The following FARP1 variants were observed in gnomAD, a reference collection of about 807,000 sequenced individuals.
The protein encoded by FARP1 is FERM, ARHGEF and pleckstrin domain-containing protein 1.
FARP1 carries 52 observed loss-of-function variants against 128.8 expected under a neutral mutation model. The ratio of observed to expected loss-of-function variants is 0.40; its 90% CI spans 0.32 to 0.51. FARP1 has a LOEUF of 0.51. FARP1 is among the 20% of genes least tolerant of loss of function. FARP1 has a pLI of 0.45. For missense variants in FARP1, 1,333 were observed against 1,367.9 expected, an observed-to-expected ratio of 0.97 and a Z score of 0.40; for synonymous variants, 580 against 551.8, an observed-to-expected ratio of 1.05 and a Z score of -0.72.
intron 16 of FARP1, among the ~76,000 whole-genome samples, chr13:98,417,460 A>G (rs1309324868): frequency 0.011 from 1,180 of 102,838 alleles, 27 homozygotes; most frequent in African/African-American, 0.039. Flanking sequence ...GGTTTGAAAA[A>G]AAAAAAAAAA....
At chr13:98,393,750 G>A (rs375929911) in intron 12 of FARP1, 32 bp downstream of exon 12, 168 of 1,550,026 alleles carry the variant, frequency 1.1e-4, no homozygotes, top group Non-Finnish European at 1.5e-4. Context: ...TGATAACTCT[G>A]CTTTTCCCCA....
At chr13:98,441,426 T>C (rs1435877194) in intron 24 of FARP1, among the ~76,000 whole-genome samples, 1 of 152,214 alleles carries the variant, frequency 6.6e-6, no homozygotes, top group African/African-American at 2.4e-5. Flanking sequence ...ACCGTCTGTT[T>C]TTATGCTTCG....
At chr13:98,264,450 C>T (rs548728707) in intron 2 of FARP1, among the ~76,000 whole-genome samples, 2 of 152,298 alleles carry the variant, frequency 1.3e-5, no homozygotes, top group South Asian at 2.1e-4. Context: ...GCTCCCCGTC[C>T]GCCAGTCACT....
intron 2 of FARP1, among the ~76,000 whole-genome samples, chr13:98,292,676 A>G (rs149347942): frequency 6.6e-6 from 1 of 152,310 alleles, no homozygotes; most frequent in Non-Finnish European, 1.5e-5. Context: ...ACTGATGGAG[A>G]ACATAGTATA....
chr13:98,327,003 A>G (rs1233072931), intron 2 of FARP1, among the ~76,000 whole-genome samples: 2 of 152,238 alleles, frequency 1.3e-5, no homozygotes, highest in Non-Finnish European at 2.9e-5. Context: ...TAATGAGTAC[A>G]CGCAATTGGT....
chr13:98,312,161 G>A (rs151078769), intron 2 of FARP1, among the ~76,000 whole-genome samples: 4 of 18,350 alleles, frequency 2.2e-4, no homozygotes, highest in Admixed American at 1.1e-3. Flanking sequence ...TTTTCTTTGA[G>A]ACGGAGTCTC....
chr13:98,410,896 G>T (rs962558143), intron 15 of FARP1, 73 bp downstream of exon 15: 3 of 720,936 alleles, frequency 4.2e-6, no homozygotes, highest in African/African-American at 1.8e-5. Context: ...ATACGGGGAG[G>T]CTGGAGCTAA....
At chr13:98,318,249 T>C (rs141946472) in intron 2 of FARP1, among the ~76,000 whole-genome samples, 2 of 151,770 alleles carry the variant, frequency 1.3e-5, no homozygotes, top group East Asian at 3.9e-4. Flanking sequence ...TGTGGAGATA[T>C]GGTCTCCCTG....
intron 2 of FARP1, among the ~76,000 whole-genome samples, chr13:98,214,698 A>G (rs1200594127): frequency 6.6e-6 from 1 of 152,244 alleles, no homozygotes; most frequent in Non-Finnish European, 1.5e-5. Flanking sequence ...TTTATTGCGC[A>G]CTGCAAACAA....
At chr13:98,434,347 C>CA (rs946131398) in intron 18 of FARP1, 1 of 152,176 alleles carries the variant, frequency 6.6e-6, no homozygotes, top group African/African-American at 2.4e-5. Flanking sequence ...GAAAATCGAG[C>CA]AAGGCCTGGG....
intron 16 of FARP1, among the ~76,000 whole-genome samples, chr13:98,413,344 G>C (rs572567966): frequency 6.6e-5 from 10 of 152,294 alleles, no homozygotes; most frequent in Non-Finnish European, 1.3e-4. Context: ...ATGAATATAA[G>C]AGAAATGTCA....
At chr13:98,193,049 A>T (rs1594252985) in intron 1 of FARP1, among the ~76,000 whole-genome samples, 1 of 148,586 alleles carries the variant, frequency 6.7e-6, no homozygotes, top group African/African-American at 2.5e-5. Context: ...TTACCAGACA[A>T]CCAGACTGTT....
At position 98,143,470 on chromosome 13, in the gene FARP1, C is replaced by G. The variant is rs1025169261; in HGVS notation, c.-46C>G. The G allele has an allele frequency of 6.6e-6, 1 of 150,480 alleles. No individual in the cohort carries two copies. The highest frequency in any genetic ancestry group is 1.5e-5 in the Non-Finnish European group (1 of 67,296). 9.3% of individuals were successfully genotyped at this position (150,480 alleles called of 1,614,324 possible). On this transcript the variant is annotated 5_prime_UTR_variant, in exon 1 of 27. Coordinates refer to ENST00000319562, the MANE Select transcript of FARP1 (RefSeq NM_005766.4). ...GAGCCCGAGCCGGGAGAGGGAGCCG[C>G]CGCAGCCGCCGGCGCTGTGGAGGTA...
chr13:98,167,405 CTTTTTTT>C (rs11388623), intron 1 of FARP1, among the ~76,000 whole-genome samples: 5 of 129,758 alleles, frequency 3.9e-5, no homozygotes, highest in East Asian at 4.5e-4. Context: ...AACAGTTTTA[CTTTTTTT>C]TTTTTTTTTT....
intron 2 of FARP1, chr13:98,333,103 A>T (rs1238780624): frequency 6.6e-6 from 1 of 152,136 alleles, no homozygotes; most frequent in Non-Finnish European, 1.5e-5. Context: ...GAGGAAAAAG[A>T]CACATCTTTT....
intron 1 of FARP1, among the ~76,000 whole-genome samples, chr13:98,192,612 AACTCCTGACTTCAGGT>A (rs1194879719): frequency 6.6e-6 from 1 of 152,130 alleles, no homozygotes; most frequent in Non-Finnish European, 1.5e-5. Context: ...GCTGGTCTCC[AACTCCTGACTTCAGGT>A]GGTCCACCTG....
intron 2 of FARP1, among the ~76,000 whole-genome samples, chr13:98,289,848 A>G (rs998570054): frequency 6.6e-6 from 1 of 152,184 alleles, no homozygotes; most frequent in Non-Finnish European, 1.5e-5. Context: ...ACCCAATGAG[A>G]TGGAATTAAA....
At chr13:98,384,970 G>A (rs565152404) in intron 7 of FARP1, 126 bp downstream of exon 7, 1 of 637,362 alleles carries the variant, frequency 1.6e-6, no homozygotes, top group East Asian at 2.7e-5. Context: ...CGTGAGGAAA[G>A]AAGATCACAG....
At chr13:98,436,535 CAG>C (rs1892278018) in intron 19 of FARP1, among the ~76,000 whole-genome samples, 1 of 152,232 alleles carries the variant, frequency 6.6e-6, no homozygotes, top group Non-Finnish European at 1.5e-5. Flanking sequence ...TCCAGTATCT[CAG>C]GGGCTTTTAG....
Sources: gnomAD v4.1 joint callset for allele counts (sites outside exome capture counted in the v4.1 genomes callset) on GRCh38, gnomAD v4.1.1 for gene constraint, MANE v1.5 for transcripts, NCBI Gene and HGNC (gene_info 2026-07-23, HGNC 2026-07-21) for gene names.